CYP46A1: variants seen among roughly 807,000 people sequenced by gnomAD.
The protein encoded by CYP46A1 is cholesterol 24-hydroxylase.
Under a neutral mutation model 63.3 loss-of-function variants are expected in CYP46A1, and 20 were observed. That is an observed-to-expected ratio of 0.32 (90% CI 0.22 to 0.46). The LOEUF (loss-of-function observed/expected upper bound fraction) is 0.46. Among genes scored for constraint, CYP46A1 ranks in the 20% least tolerant of loss-of-function variants. CYP46A1 has a pLI of 1.00. For synonymous variants in CYP46A1, 268 were observed against 273.6 expected, an observed-to-expected ratio of 0.98 and a Z score of 0.20; for missense variants, 445 against 670.8, an observed-to-expected ratio of 0.66 and a Z score of 3.72.
chr14:99,725,798 A>G lies in CYP46A1; in HGVS notation c.1265+319A>G, dbSNP rs544088989. 2.6e-5 allele frequency among the ~76,000 whole-genome samples: 4 copies of G among 152,286 alleles called. No homozygotes were observed. In the East Asian group the frequency reaches 7.7e-4, roughly 29 times the overall value. ...GGGACCATCCGTGGCTGCATCTGCA[A>G]GTTGCTGTGGGGGTCAACGCGTTAA... is the stretch of plus-strand genomic sequence containing the variant. On this transcript the variant is annotated intron_variant, in intron 13 of 14. Coordinates refer to ENST00000261835, the MANE Select transcript of CYP46A1 (RefSeq NM_006668.2). The surrounding 1 kb of genome is among the most constrained non-coding windows in gnomAD (Gnocchi z 4.2).
intron 10 of CYP46A1, 103 bp downstream of exon 10, chr14:99,718,229 C>CAGGGGAAGCAGGGCATG: frequency 1.1e-6 from 1 of 940,320 alleles, no homozygotes; most frequent in Non-Finnish European, 1.7e-6. Flanking sequence ...TCAACATGCC[C>CAGGGGAAGCAGGGCATG]TGCTTCCCCT....
rs765667580 is a variant in CYP46A1, at chr14:99,700,114, G to A, written c.443+13G>A. On this transcript the variant is annotated intron_variant, in intron 5 of 14. Coordinates refer to ENST00000261835, the MANE Select transcript of CYP46A1 (RefSeq NM_006668.2). ...CCTTCAGCCGGAGGTGAGTGTGGCC[G>A]GAGGCTCCGTGGCTCCTGCCTGGCC... 2.3e-5 allele frequency: 37 copies of A among 1,584,742 alleles called. No individual in the cohort carries two copies. In the East Asian group the frequency reaches 5.9e-4, roughly 25 times the overall value.
At chr14:99,726,150 C>T in intron 13 of CYP46A1, 40 bp from the exon 14 acceptor site, 1 of 1,579,192 alleles carries the variant, frequency 6.3e-7, no homozygotes, top group South Asian at 1.1e-5. Context: ...GTGGGGACGC[C>T]TGGGGCTGCT....
At chr14:99,700,150 G>A in intron 5 of CYP46A1, 49 bp downstream of exon 5, 1 of 1,497,308 alleles carries the variant, frequency 6.7e-7, no homozygotes, top group Non-Finnish European at 9.1e-7. Flanking sequence ...AGAGGCAGTA[G>A]GGGCTGCCGA....
chr14:99,719,969 A>G lies in CYP46A1; in HGVS notation c.981-1270A>G, dbSNP rs184466889. On this transcript the variant is annotated intron_variant, in intron 10 of 14. Transcript: ENST00000261835. ...TAGTAGAGACGGGGCTTCACGGGTT[A>G]GCCAGGATGGTCTTGATCTCCTGAC... Among the ~76,000 whole-genome samples, 1,041 of 151,596 alleles carry G rather than the reference A, an allele frequency of 6.9e-3. 11 individuals carry two copies. Among genetic ancestry groups the G allele is most frequent in the African/African-American group, 0.024 (994 of 41,306 alleles).
rs2056889342 is a variant in CYP46A1, at chr14:99,725,672, A to G, written c.1265+193A>G. 6.6e-6 allele frequency among the ~76,000 whole-genome samples: 1 copy of G among 152,208 alleles called. No individual in the cohort carries two copies. The highest frequency in any genetic ancestry group is 6.5e-5 in the Admixed American group (1 of 15,290). On this transcript the variant is annotated intron_variant, in intron 13 of 14. Coordinates refer to ENST00000261835, the MANE Select transcript of CYP46A1 (RefSeq NM_006668.2). This position sits in a 1 kb window ranked among gnomAD's most constrained non-coding sequence, Gnocchi z 4.2. ...AGTGGCAGAGCAGGGGTCTGGCCCC[A>G]GCTCAGTCTGGTTCTAAAGCTCATG...
intron 5 of CYP46A1, among the ~76,000 whole-genome samples, chr14:99,705,348 C>T (rs2056666551): frequency 6.6e-6 from 1 of 152,156 alleles, no homozygotes; most frequent in African/African-American, 2.4e-5. Context: ...GCTGGGGCTA[C>T]AGGAGTGTGC....
chr14:99,704,485 CTG>C (rs969240216), intron 5 of CYP46A1, among the ~76,000 whole-genome samples: 4 of 152,130 alleles, frequency 2.6e-5, no homozygotes, highest in Non-Finnish European at 5.9e-5. Flanking sequence ...TTTAATAAAA[CTG>C]TGAGAGTAAA....
At chr14:99,719,307 G>T (rs983750885) in intron 10 of CYP46A1, among the ~76,000 whole-genome samples, 1 of 151,862 alleles carries the variant, frequency 6.6e-6, no homozygotes, top group Non-Finnish European at 1.5e-5. Context: ...CGCCTCCCCA[G>T]TTCAAACAGT....
intron 7 of CYP46A1, chr14:99,708,955 C>T (rs1222975154): frequency 6.6e-5 from 10 of 152,302 alleles, no homozygotes; most frequent in African/African-American, 2.2e-4. Context: ...ATACCACTGA[C>T]ACTGATTACA....
At chr14:99,707,513 G>C in intron 6 of CYP46A1, 55 bp from the exon 7 acceptor site, 1 of 1,461,346 alleles carries the variant, frequency 6.8e-7, no homozygotes, top group South Asian at 1.2e-5. Context: ...GCTTTGCCCT[G>C]GATCTGCTGC....
At chr14:99,717,308 G>C (rs1462813832) in intron 9 of CYP46A1, among the ~76,000 whole-genome samples, 1 of 152,114 alleles carries the variant, frequency 6.6e-6, no homozygotes, top group African/African-American at 2.4e-5. Flanking sequence ...TGCTATGGGG[G>C]ACTGGCCGAG....
At position 99,725,297 on chromosome 14, in the gene CYP46A1, T is replaced by C. The variant is rs1271333084; in HGVS notation, c.1177-94T>C. On this transcript the variant is annotated intron_variant, in intron 12 of 14. Coordinates refer to ENST00000261835, the MANE Select transcript of CYP46A1 (RefSeq NM_006668.2). This position sits in a 1 kb window ranked among gnomAD's most constrained non-coding sequence, Gnocchi z 4.2. ...GGGGGGAGGAGAGTGGGACCCACTCTGCTCTGAGTAGCCCTGTTGGGTGGC... is the reference window on the plus strand; with the variant it reads ...GGGGGGAGGAGAGTGGGACCCACTCCGCTCTGAGTAGCCCTGTTGGGTGGC... 2 of 936,556 alleles carry C rather than the reference T, an allele frequency of 2.1e-6. No homozygotes were observed. Among genetic ancestry groups the C allele is most frequent in the Middle Eastern group, 2.2e-4 (1 of 4,502 alleles). 58.0% of individuals were successfully genotyped at this position (936,556 alleles called of 1,614,324 possible). A position where few individuals can be genotyped will look rare whatever the true frequency, so the allele number is the denominator to read the frequency against.
rs75498053 is a variant in CYP46A1, at chr14:99,699,771, C to T, written c.356+232C>T. On this transcript the variant is annotated intron_variant, in intron 4 of 14. Transcript: ENST00000261835. Reference sequence around the variant, plus strand: ...TAGAGGCCACTGAGGTTGGGTAACACGATCATCCTTTTCCTTTTTAAGTTA... The same window carrying T: ...TAGAGGCCACTGAGGTTGGGTAACATGATCATCCTTTTCCTTTTTAAGTTA... Among the ~76,000 whole-genome samples, 1,019 of 152,258 alleles carry T rather than the reference C, an allele frequency of 6.7e-3. 11 individuals carry two copies. Among genetic ancestry groups the T allele is most frequent in the African/African-American group, 0.023 (954 of 41,544 alleles).
At chr14:99,701,875 G>T (rs2056633862) in intron 5 of CYP46A1, among the ~76,000 whole-genome samples, 1 of 152,100 alleles carries the variant, frequency 6.6e-6, no homozygotes, top group Non-Finnish European at 1.5e-5. Context: ...TTCATGACCA[G>T]CCTAGCCAAC....
At chr14:99,693,919 T>C (rs59240069) in intron 3 of CYP46A1, among the ~76,000 whole-genome samples, 1,915 of 152,260 alleles carry the variant, frequency 0.013, 40 homozygotes, top group Middle Eastern at 0.048. Flanking sequence ...ATCACCACCA[T>C]CCATCTCCAG....
chr14:99,721,835 G>A (rs1158669359), intron 11 of CYP46A1, 121 bp from the exon 12 acceptor site: 4 of 706,956 alleles, frequency 5.7e-6, no homozygotes, highest in Non-Finnish European at 9.7e-6. Context: ...ACCCAGGCCA[G>A]GGTGAGGGTA....
chr14:99,697,221 G>A (rs979755720), intron 3 of CYP46A1, among the ~76,000 whole-genome samples: 8 of 152,210 alleles, frequency 5.3e-5, no homozygotes, highest in Non-Finnish European at 1.0e-4. Flanking sequence ...CAGATGCTGC[G>A]TAGGAGCTCT....
chr14:99,715,569 G>A lies in CYP46A1; in HGVS notation c.694-241G>A, dbSNP rs117425503. Among the ~76,000 whole-genome samples the A allele has an allele frequency of 5.6e-3, 855 of 152,288 alleles. 9 individuals are homozygous for A. The highest frequency in any genetic ancestry group is 6.4e-3 in the Non-Finnish European group (438 of 68,030). On this transcript the variant is annotated intron_variant, in intron 7 of 14. Coordinates refer to ENST00000261835, the MANE Select transcript of CYP46A1 (RefSeq NM_006668.2). ...TTTTACCTTGCAGGGCCACGTGGAT[G>A]TTTTAAGCCATCCCGCCCACCACTG...
Sources: gnomAD v4.1 joint callset for allele counts (sites outside exome capture counted in the v4.1 genomes callset) on GRCh38, gnomAD v4.1.1 for gene constraint, Gnocchi (gnomAD v3.1) non-coding constraint, MANE v1.5 for transcripts, NCBI Gene and HGNC (gene_info 2026-07-23, HGNC 2026-07-21) for gene names.